DOCK4: variants seen among roughly 807,000 people sequenced by gnomAD.
DOCK4 encodes dedicator of cytokinesis 4.
DOCK4 carries 97 observed loss-of-function variants against 268.1 expected under a neutral mutation model. The observed-to-expected ratio is 0.36, with a 90% CI of 0.31 to 0.43. The LOEUF (loss-of-function observed/expected upper bound fraction) is 0.43. DOCK4 is among the 20% of genes least tolerant of loss of function. The probability of loss-of-function intolerance (pLI) is 1.00; values close to 1 mark genes in which losing one functional copy is unlikely to be tolerated. For missense variants in DOCK4, 2,145 were observed against 2,455.7 expected (o/e 0.87, Z 2.67); for synonymous variants, 954 against 887.2 (o/e 1.08, Z -1.34).
chr7:111,737,341 G>C (rs1246250335), intron 49 of DOCK4, among the ~76,000 whole-genome samples: 1 of 151,774 alleles, frequency 6.6e-6, no homozygotes, highest in Non-Finnish European at 1.5e-5. Flanking sequence ...GCCCAGGCTG[G>C]TCTTGAATGC....
At chr7:111,748,728 C>A (rs1049366338) in intron 42 of DOCK4, among the ~76,000 whole-genome samples, 2 of 151,670 alleles carry the variant, frequency 1.3e-5, no homozygotes, top group Non-Finnish European at 1.5e-5. Flanking sequence ...GTGTGTATAT[C>A]GATTCAGAAA....
chr7:111,954,560 G>A (rs181723325), intron 8 of DOCK4, among the ~76,000 whole-genome samples: 5 of 152,252 alleles, frequency 3.3e-5, no homozygotes, highest in African/African-American at 9.6e-5. Context: ...GTCCCAAGGC[G>A]CAAGACCCAG....
At chr7:111,772,365 C>T (rs1396317379) in intron 36 of DOCK4, among the ~76,000 whole-genome samples, 1 of 151,650 alleles carries the variant, frequency 6.6e-6, no homozygotes, top group Non-Finnish European at 1.5e-5. Context: ...AGAGTGAGAC[C>T]CCCATCTCAA....
chr7:111,812,139 G>A (rs1801182779), intron 27 of DOCK4, among the ~76,000 whole-genome samples, 190 bp from the exon 28 acceptor site: 1 of 152,184 alleles, frequency 6.6e-6, no homozygotes, highest in Non-Finnish European at 1.5e-5. Context: ...TATCACTGAA[G>A]TCAGGACCTT....
At chr7:111,820,454 A>T (rs1801889965) in intron 27 of DOCK4, 1 of 152,360 alleles carries the variant, frequency 6.6e-6, no homozygotes, top group South Asian at 2.1e-4. Flanking sequence ...AATGTATTAC[A>T]CAGAGCTCAT....
At chr7:111,776,481 GT>G (rs1424927999) in intron 36 of DOCK4, among the ~76,000 whole-genome samples, 10 of 152,138 alleles carry the variant, frequency 6.6e-5, no homozygotes, top group Non-Finnish European at 1.3e-4. Context: ...ATAGACATTA[GT>G]GATCTGAAAA....
chr7:112,194,321 T>C (rs7341544), intron 1 of DOCK4, among the ~76,000 whole-genome samples: 4,796 of 152,242 alleles, frequency 0.032, 248 homozygotes, highest in African/African-American at 0.11. Context: ...AAACATTTCA[T>C]GGAGAGAGCA....
intron 36 of DOCK4, among the ~76,000 whole-genome samples, 163 bp from the exon 37 acceptor site, chr7:111,769,840 G>A (rs928394307): frequency 2.0e-5 from 3 of 152,130 alleles, no homozygotes; most frequent in Admixed American, 6.5e-5. Context: ...GGTAATGAAC[G>A]AGGACTTCCC....
At chr7:111,844,488 A>G (rs1803940186) in intron 25 of DOCK4, among the ~76,000 whole-genome samples, 1 of 152,240 alleles carries the variant, frequency 6.6e-6, no homozygotes, top group Admixed American at 6.5e-5. Flanking sequence ...GTTGACTTGG[A>G]ATATAAAATC....
intron 1 of DOCK4, among the ~76,000 whole-genome samples, chr7:112,061,121 TC>T (rs2135595475): frequency 6.6e-6 from 1 of 152,278 alleles, no homozygotes; most frequent in South Asian, 2.1e-4. Flanking sequence ...TAAAAACTAC[TC>T]CCCCTCTTCT....
chr7:111,954,575 G>A (rs148483309), intron 8 of DOCK4, among the ~76,000 whole-genome samples: 14 of 152,290 alleles, frequency 9.2e-5, no homozygotes, highest in South Asian at 4.1e-4. Context: ...ACCCAGCAGC[G>A]TGCGTCAGCA....
chr7:111,978,114 G>GA (rs541415024), intron 7 of DOCK4, among the ~76,000 whole-genome samples: 14 of 152,296 alleles, frequency 9.2e-5, no homozygotes, highest in Admixed American at 2.0e-4. Context: ...AGTAAAATCA[G>GA]AAACAGTTCA....
At chr7:111,812,003 A>T in intron 27 of DOCK4, 54 bp from the exon 28 acceptor site, 1 of 976,476 alleles carries the variant, frequency 1.0e-6, no homozygotes, top group Non-Finnish European at 1.5e-6. Flanking sequence ...AAAATCATTT[A>T]GTATACAAGA....
At chr7:112,035,790 A>G (rs997947943) in intron 1 of DOCK4, among the ~76,000 whole-genome samples, 2 of 152,184 alleles carry the variant, frequency 1.3e-5, no homozygotes, top group Non-Finnish European at 2.9e-5. Flanking sequence ...TACAACACTC[A>G]TTTAAAAAAA....
At chr7:111,729,269 G>A (rs891204596) in intron 52 of DOCK4, among the ~76,000 whole-genome samples, 1 of 152,198 alleles carries the variant, frequency 6.6e-6, no homozygotes, top group African/African-American at 2.4e-5. Context: ...TTCAGATAGA[G>A]GAGAAAGGAG....
At chr7:112,055,248 C>A (rs1805708499) in intron 1 of DOCK4, among the ~76,000 whole-genome samples, 1 of 152,172 alleles carries the variant, frequency 6.6e-6, no homozygotes. Flanking sequence ...GTGAGCTATA[C>A]ATACATTTAA....
intron 12 of DOCK4, among the ~76,000 whole-genome samples, chr7:111,927,624 T>C (rs1489424156): frequency 6.6e-6 from 1 of 152,240 alleles, no homozygotes; most frequent in East Asian, 1.9e-4. Flanking sequence ...GGACTATGTC[T>C]AGGTTTTTTA....
At chr7:112,030,196 A>G (rs1803153570) in intron 1 of DOCK4, among the ~76,000 whole-genome samples, 1 of 152,250 alleles carries the variant, frequency 6.6e-6, no homozygotes, top group African/African-American at 2.4e-5. Context: ...GGAGTGTAAC[A>G]GCAAGCATAC....
At chr7:111,740,704 G>A (rs931024412) in intron 47 of DOCK4, among the ~76,000 whole-genome samples, 22 of 120,600 alleles carry the variant, frequency 1.8e-4, no homozygotes, top group African/African-American at 6.7e-4. Flanking sequence ...CTGCACTCCA[G>A]ACTGGGAGAC....
Sources: gnomAD v4.1 joint callset for allele counts (sites outside exome capture counted in the v4.1 genomes callset) on GRCh38, gnomAD v4.1.1 for gene constraint, MANE v1.5 for transcripts, NCBI Gene and HGNC (gene_info 2026-07-23, HGNC 2026-07-21) for gene names.